CDK17: variants seen among roughly 807,000 people sequenced by gnomAD.
The protein encoded by CDK17 is cyclin dependent kinase 17, also known as cyclin-dependent kinase 17.
Under a neutral mutation model 77.6 loss-of-function variants are expected in CDK17, and 24 were observed. That is an observed-to-expected ratio of 0.31 (90% CI 0.22 to 0.44). CDK17 has a LOEUF of 0.44. Ranked by LOEUF, CDK17 falls within the 20% of genes least tolerant of loss-of-function variation. The probability of loss-of-function intolerance (pLI) is 1.00; values close to 1 mark genes in which losing one functional copy is unlikely to be tolerated. For missense variants in CDK17, 429 were observed against 622.5 expected (o/e 0.69, Z 3.31); for synonymous variants, 203 against 210.4 (o/e 0.96, Z 0.30).
In CDK17 at chr12:96,295,104, G is replaced by T; in HGVS notation, c.892C>A (p.Leu298Ile). ...CTATGGCAATATGCCAAACCACGTA[G>T]AATTTGGTACAGAAACAGCTACAGA... is the stretch of plus-strand genomic sequence containing the variant. ...HNVKLFLYQI[L>I]RGLAYCHRRK... The change falls in exon 10 of 17, where the codon CTA (leucine) becomes ATA (isoleucine). Residue 298 changes from leucine (L) to isoleucine (I), a missense_variant. This residue lies in a region of CDK17 where 262 missense variants were observed against 385.4 expected (regional missense o/e 0.68). Transcript: ENST00000261211. 2.5e-6 allele frequency: 4 copies of T among 1,607,128 alleles called. No individual in the cohort carries two copies. Among genetic ancestry groups the T allele is most frequent in the African/African-American group, 1.3e-5 (1 of 74,716 alleles).
At chr12:96,345,812 A>G (rs986827424) in intron 1 of CDK17, among the ~76,000 whole-genome samples, 1 of 152,214 alleles carries the variant, frequency 6.6e-6, no homozygotes, top group African/African-American at 2.4e-5. Flanking sequence ...CAAAGGAATT[A>G]GAATGGTATG....
At chr12:96,359,197 T>C (rs1450525091) in intron 1 of CDK17, among the ~76,000 whole-genome samples, 1 of 152,154 alleles carries the variant, frequency 6.6e-6, no homozygotes, top group Non-Finnish European at 1.5e-5. Flanking sequence ...TCTTCATAAT[T>C]TATACAGATT....
chr12:96,303,947 T>C (rs1019681690), intron 5 of CDK17, among the ~76,000 whole-genome samples: 5 of 152,186 alleles, frequency 3.3e-5, no homozygotes, highest in African/African-American at 1.2e-4. Flanking sequence ...ACTAGGTTTT[T>C]CCCTATACAT....
intron 1 of CDK17, among the ~76,000 whole-genome samples, chr12:96,348,069 A>C (rs1312032785): frequency 1.3e-5 from 2 of 152,210 alleles, no homozygotes; most frequent in Non-Finnish European, 2.9e-5. Context: ...GGATGTTTAT[A>C]GCTATAAAAG....
chr12:96,283,374 G>A (rs1787284389), intron 14 of CDK17, among the ~76,000 whole-genome samples: 1 of 151,472 alleles, frequency 6.6e-6, no homozygotes, highest in African/African-American at 2.4e-5. Flanking sequence ...TGACACAGCT[G>A]ATCAATGCCA....
chr12:96,280,343 T>C (rs969790482), intron 16 of CDK17, 64 bp from the exon 17 acceptor site: 23 of 1,538,172 alleles, frequency 1.5e-5, no homozygotes, highest in Non-Finnish European at 1.8e-5. Flanking sequence ...TACAGTTATT[T>C]GGTGACTAGG....
At chr12:96,321,899 T>G (rs1952821489) in intron 3 of CDK17, among the ~76,000 whole-genome samples, 1 of 147,990 alleles carries the variant, frequency 6.8e-6, no homozygotes, top group African/African-American at 2.5e-5. Flanking sequence ...GCATGGCACA[T>G]GTATACATAT....
chr12:96,307,864 G>T (rs1002529679), intron 5 of CDK17, among the ~76,000 whole-genome samples: 1 of 151,574 alleles, frequency 6.6e-6, no homozygotes, highest in Non-Finnish European at 1.5e-5. Flanking sequence ...GTGACACTCT[G>T]TCTCACACAC....
rs58937020 is a variant in CDK17, at chr12:96,355,398, G to GTTTTTTTTTTTTTTTTTT, written c.-29-20551_-29-20534dup. 2.8e-5 allele frequency among the ~76,000 whole-genome samples: 2 copies of GTTTTTTTTTTTTTTTTTT among 72,476 alleles called. 1 individual carries two copies. Among genetic ancestry groups the GTTTTTTTTTTTTTTTTTT allele is most frequent in the African/African-American group, 1.2e-4 (2 of 16,264 alleles). 47.5% of individuals were successfully genotyped at this position (72,476 alleles called of 152,430 possible). A position where few individuals can be genotyped will look rare whatever the true frequency, so the allele number is the denominator to read the frequency against. Reference sequence around the variant, plus strand: ...CTTGCTGTCTAACATTCTACATTGGGTTTTTTTTTTTTTTTTTTTTTTTGG... The same window carrying GTTTTTTTTTTTTTTTTTT: ...CTTGCTGTCTAACATTCTACATTGGGTTTTTTTTTTTTTTTTTTTTTTTTTTTTTTTTTTTTTTTTTGG... On this transcript the variant is annotated intron_variant, in intron 1 of 16. Transcript: ENST00000261211.
chr12:96,347,973 A>C (rs1953249743), intron 1 of CDK17, among the ~76,000 whole-genome samples: 2 of 152,200 alleles, frequency 1.3e-5, no homozygotes, highest in African/African-American at 4.8e-5. Flanking sequence ...AGAAACCACA[A>C]GAGATATAAA....
chr12:96,298,070 C>G (rs1592711500), intron 7 of CDK17, among the ~76,000 whole-genome samples: 3 of 152,042 alleles, frequency 2.0e-5, no homozygotes. Flanking sequence ...GCGGGCGGAT[C>G]GTGAGGTCAG....
chr12:96,300,770 A>G (rs909651358), intron 5 of CDK17, among the ~76,000 whole-genome samples: 2 of 152,234 alleles, frequency 1.3e-5, no homozygotes, highest in Admixed American at 1.3e-4. Flanking sequence ...AGAATGACTA[A>G]GAATAGAAAA....
Position 96,297,708 on chromosome 12 carries a change from C to T in CDK17, c.729G>A (p.Lys243=). The change falls in exon 8 of 17, where the codon AAG becomes AAA. Residue 243 remains lysine, a synonymous_variant. Transcript: ENST00000261211. ...TTACTATATTTGCATGTTTTAAATC[C>T]TTTAATAGTGAAACTGCAAAACAGA... ...CTAIREVSLL[K]DLKHANIVTL... The T allele has an allele frequency of 6.4e-7, 1 of 1,574,206 alleles. No homozygotes were observed. Among genetic ancestry groups the T allele is most frequent in the Non-Finnish European group, 8.7e-7 (1 of 1,148,764 alleles).
chr12:96,299,388 ATTTTT>A (rs35168599), intron 6 of CDK17, among the ~76,000 whole-genome samples: 8 of 132,974 alleles, frequency 6.0e-5, no homozygotes, highest in Non-Finnish European at 8.1e-5. Context: ...TAAATGATAA[ATTTTT>A]TTTTTTTTTT....
intron 1 of CDK17, among the ~76,000 whole-genome samples, chr12:96,358,924 T>C (rs1337073542): frequency 2.1e-5 from 3 of 140,000 alleles, no homozygotes; most frequent in African/African-American, 7.9e-5. Flanking sequence ...GACCTGCCAC[T>C]AGGTAACCGT....
intron 1 of CDK17, among the ~76,000 whole-genome samples, chr12:96,381,088 C>T (rs1157722317): frequency 6.6e-6 from 1 of 152,108 alleles, no homozygotes; most frequent in African/African-American, 2.4e-5. Flanking sequence ...ATAAGTTCAT[C>T]TTTGGTAATA....
rs1445134157 is a variant in CDK17 at position 96,380,332 on chromosome 12, A to G, written c.-30+19654T>C. ...AAGTCTTCCCTGTTGCCCAGGCTAGAGTGCAATGGTGCGATCTCAGCTCAC... is the reference window on the plus strand; with the variant it reads ...AAGTCTTCCCTGTTGCCCAGGCTAGGGTGCAATGGTGCGATCTCAGCTCAC... On this transcript the variant is annotated intron_variant, in intron 1 of 16. Transcript: ENST00000261211. Among the ~76,000 whole-genome samples, 3 of 146,040 alleles carry G rather than the reference A, an allele frequency of 2.1e-5. No individual in the cohort carries two copies. In the Admixed American group the frequency reaches 2.1e-4, roughly 10 times the overall value.
At chr12:96,289,390 A>G (rs1035807355) in intron 10 of CDK17, 103 bp from the exon 11 acceptor site, 21 of 1,288,164 alleles carry the variant, frequency 1.6e-5, no homozygotes, top group Non-Finnish European at 2.3e-5. Context: ...TGAAATGGTT[A>G]ATTCGTAGCT....
intron 1 of CDK17, among the ~76,000 whole-genome samples, chr12:96,385,365 T>C (rs1953955482): frequency 6.6e-6 from 1 of 151,836 alleles, no homozygotes; most frequent in African/African-American, 2.4e-5. Flanking sequence ...CTAGAAGGGG[T>C]TGGCAAATGG....
Sources: gnomAD v4.1 joint callset for allele counts (sites outside exome capture counted in the v4.1 genomes callset) on GRCh38, gnomAD v4.1.1 for gene constraint, gnomAD v4.1.1 regional missense constraint, MANE v1.5 for transcripts, NCBI Gene and HGNC (gene_info 2026-07-23, HGNC 2026-07-21) for gene names.